The following TAOK3 variants were observed in gnomAD, a reference collection of about 807,000 sequenced individuals.
TAOK3 encodes the protein serine/threonine-protein kinase TAO3.
A neutral mutation model predicts 120.4 loss-of-function variants in TAOK3; 40 were observed. That is an observed-to-expected ratio of 0.33 (90% CI 0.26 to 0.43). The LOEUF is 0.43. TAOK3 is among the 20% of genes least tolerant of loss of function. The probability of loss-of-function intolerance (pLI) is 1.00; values close to 1 mark genes in which losing one functional copy is unlikely to be tolerated. For synonymous variants in TAOK3, 355 were observed against 387.5 expected, an observed-to-expected ratio of 0.92 and a Z score of 0.99; for missense variants, 821 against 1,112.1, an observed-to-expected ratio of 0.74 and a Z score of 3.72.
At chr12:118,151,558 A>G (rs2034442766) in intron 20 of TAOK3, among the ~76,000 whole-genome samples, 1 of 152,152 alleles carries the variant, frequency 6.6e-6, no homozygotes, top group Non-Finnish European at 1.5e-5. Flanking sequence ...TCCCACAGAG[A>G]GCCAAATGCC....
At chr12:118,162,082 G>T in intron 17 of TAOK3, 55 bp from the exon 18 acceptor site, 1 of 1,593,934 alleles carries the variant, frequency 6.3e-7, no homozygotes, top group South Asian at 1.1e-5. Context: ...TGAACTGGAA[G>T]GAATGCACAA....
intron 1 of TAOK3, among the ~76,000 whole-genome samples, chr12:118,292,160 C>T (rs1170851901): frequency 2.6e-5 from 4 of 152,146 alleles, no homozygotes; most frequent in African/African-American, 9.7e-5. Context: ...CGTGGATAGT[C>T]ATAATACATG....
intron 1 of TAOK3, among the ~76,000 whole-genome samples, chr12:118,289,493 G>C (rs1231874461): frequency 1.3e-5 from 2 of 151,518 alleles, no homozygotes; most frequent in East Asian, 1.9e-4. Context: ...AAAAAAAATA[G>C]AGTATACATC....
At position 118,151,235 on chromosome 12, in the gene TAOK3, G is replaced by A. The variant is rs1055453260; in HGVS notation, c.2536-77C>T. On this transcript the variant is annotated intron_variant, in intron 20 of 20. Transcript: ENST00000392533. ...CCACGTGCACGCGATACACCCATAG[G>A]CACACATATGACATGCACACACACA... The A allele has an allele frequency of 4.7e-6, 7 of 1,479,788 alleles. No homozygotes were observed. In the African/African-American group the frequency reaches 9.8e-5, roughly 21 times the overall value. The allele number at this position is 1,479,788 out of a possible 1,614,324, so 91.7% of individuals were successfully genotyped here. A position where few individuals can be genotyped will look rare whatever the true frequency, so the allele number is the denominator to read the frequency against.
At chr12:118,163,448 T>TTGG (rs1555209281) in intron 17 of TAOK3, among the ~76,000 whole-genome samples, 79 of 123,882 alleles carry the variant, frequency 6.4e-4, no homozygotes, top group East Asian at 1.7e-3. Flanking sequence ...ACTTTTTTTT[T>TTGG]GGGGGGGGTG....
intron 16 of TAOK3, among the ~76,000 whole-genome samples, chr12:118,174,809 G>A (rs2018619): frequency 0.46 from 69,760 of 151,596 alleles, 16,738 homozygotes; most frequent in Non-Finnish European, 0.52. Context: ...GATTACAGGC[G>A]CCCGCCATCA....
chr12:118,333,263 C>T (rs1409008899), intron 1 of TAOK3, among the ~76,000 whole-genome samples: 1 of 152,072 alleles, frequency 6.6e-6, no homozygotes, highest in African/African-American at 2.4e-5. Flanking sequence ...AAATCTAAAA[C>T]AACTAAAAAT....
At position 118,161,431 on chromosome 12, in the gene TAOK3, G is replaced by A. The variant is rs1348181043; in HGVS notation, c.2139+357C>T. Among the ~76,000 whole-genome samples the A allele has an allele frequency of 6.6e-6, 1 of 152,198 alleles. No homozygotes were observed. The highest frequency in any genetic ancestry group is 2.4e-5 in the African/African-American group (1 of 41,454). On this transcript the variant is annotated intron_variant, in intron 18 of 20. Coordinates refer to ENST00000392533, the MANE Select transcript of TAOK3 (RefSeq NM_016281.4). The surrounding 1 kb of genome is among the most constrained non-coding windows in gnomAD (Gnocchi z 4.5). ...CTTTAGAGTCTTTCTCAATACAGCA[G>A]TGCTCAAAGTACCTAACACCAATAG...
intron 1 of TAOK3, among the ~76,000 whole-genome samples, chr12:118,324,706 A>G (rs2043857440): frequency 7.5e-6 from 1 of 132,690 alleles, no homozygotes; most frequent in South Asian, 2.4e-4. Flanking sequence ...AGTCTCATCC[A>G]TGTTGTTGCA....
intron 13 of TAOK3, 183 bp from the exon 14 acceptor site, chr12:118,190,124 G>T: frequency 5.8e-6 from 4 of 683,966 alleles, no homozygotes; most frequent in East Asian, 2.8e-5. Context: ...CTTCAGTTAG[G>T]AATGTCAGCT....
intron 1 of TAOK3, among the ~76,000 whole-genome samples, chr12:118,332,017 G>A (rs2044172738): frequency 6.6e-6 from 1 of 152,240 alleles, no homozygotes; most frequent in South Asian, 2.1e-4. Context: ...TAAAGGAGGG[G>A]TTTCGCCATA....
chr12:118,218,169 G>A (rs571036068), intron 9 of TAOK3, among the ~76,000 whole-genome samples: 1 of 151,954 alleles, frequency 6.6e-6, no homozygotes, highest in South Asian at 2.1e-4. Flanking sequence ...TTACCAAACA[G>A]ATACTGGTAT....
intron 9 of TAOK3, among the ~76,000 whole-genome samples, chr12:118,217,772 T>C (rs1010108653): frequency 3.5e-5 from 5 of 143,206 alleles, no homozygotes; most frequent in African/African-American, 1.3e-4. Context: ...ATGTATTTTA[T>C]GTATATATGT....
chr12:118,371,231 G>A lies in TAOK3; in HGVS notation c.-194+1417C>T, dbSNP rs79638503. Among the ~76,000 whole-genome samples the A allele has an allele frequency of 0.11, 16,941 of 152,094 alleles. 2,604 individuals are homozygous for A. The highest frequency in any genetic ancestry group is 0.34 in the African/African-American group (14,087 of 41,416). The stretch of plus-strand genomic sequence containing the variant: ...AATCTAAAACACGGGTCTCCAAAAG[G>A]ATCCCTGTCCCTTTCAACTTCTTGT... On this transcript the variant is annotated intron_variant, in intron 1 of 20. Coordinates refer to ENST00000392533, the MANE Select transcript of TAOK3 (RefSeq NM_016281.4). The surrounding 1 kb of genome is among the most constrained non-coding windows in gnomAD (Gnocchi z 5.5).
At chr12:118,352,869 C>T (rs984593928) in intron 1 of TAOK3, among the ~76,000 whole-genome samples, 2 of 152,070 alleles carry the variant, frequency 1.3e-5, no homozygotes, top group African/African-American at 4.8e-5. Context: ...TGCCACCATG[C>T]CTGGCTAGTT....
At chr12:118,286,041 C>T (rs1258402353) in intron 1 of TAOK3, among the ~76,000 whole-genome samples, 1 of 152,162 alleles carries the variant, frequency 6.6e-6, no homozygotes, top group Non-Finnish European at 1.5e-5. Flanking sequence ...GCATTTACCT[C>T]AGTGAGCAGA....
At chr12:118,297,509 T>C (rs2042726902) in intron 1 of TAOK3, among the ~76,000 whole-genome samples, 1 of 152,244 alleles carries the variant, frequency 6.6e-6, no homozygotes, top group South Asian at 2.1e-4. Flanking sequence ...CTTCCGGGAT[T>C]ACCCTTATGT....
chr12:118,321,760 T>C (rs1018409239), intron 1 of TAOK3, among the ~76,000 whole-genome samples: 3 of 152,204 alleles, frequency 2.0e-5, no homozygotes, highest in Non-Finnish European at 4.4e-5. Context: ...GTTTCACTTA[T>C]CTGAGATGGC....
Position 118,184,824 on chromosome 12 carries a change from A to G in TAOK3, c.1330-3217T>C, listed in dbSNP as rs76816296. On this transcript the variant is annotated intron_variant, in intron 14 of 20. Coordinates refer to ENST00000392533, the MANE Select transcript of TAOK3 (RefSeq NM_016281.4). The stretch of plus-strand genomic sequence containing the variant: ...AGAAAAACCTCATCTATCTCTTACT[A>G]TATAATTGACCTTGGGCAAATTACT... Among the ~76,000 whole-genome samples the G allele has an allele frequency of 2.6e-4, 40 of 152,350 alleles. No individual in the cohort carries two copies. The East Asian group carries it at 7.1e-3, about 27-fold the overall frequency.
Sources: gnomAD v4.1 joint callset for allele counts (sites outside exome capture counted in the v4.1 genomes callset) on GRCh38, gnomAD v4.1.1 for gene constraint, Gnocchi (gnomAD v3.1) non-coding constraint, MANE v1.5 for transcripts, NCBI Gene and HGNC (gene_info 2026-07-23, HGNC 2026-07-21) for gene names.